Variants in ENPP1 observed in about 807,000 individuals in gnomAD.
ENPP1 encodes the protein ectonucleotide pyrophosphatase/phosphodiesterase family member 1.
Under a neutral mutation model 122.8 loss-of-function variants are expected in ENPP1, and 73 were observed. That is an observed-to-expected ratio of 0.59 (90% confidence interval 0.49 to 0.72). The LOEUF is 0.72. Ranked by LOEUF, ENPP1 falls within the 30% of genes least tolerant of loss-of-function variation. The pLI, the probability that ENPP1 is intolerant of heterozygous loss-of-function variation, is 0.00. For missense variants in ENPP1, 978 were observed against 1,128.1 expected (o/e 0.87, Z 1.91); for synonymous variants, 367 against 391.6 (o/e 0.94, Z 0.74).
At chr6:131,820,159 G>A (rs1029838169) in intron 1 of ENPP1, 1 of 303,826 alleles carries the variant, frequency 3.3e-6, no homozygotes, top group African/African-American at 2.2e-5. Flanking sequence ...TAGAATTTTG[G>A]TGTGGTTTTA....
intron 1 of ENPP1, among the ~76,000 whole-genome samples, chr6:131,840,884 A>C (rs370186989): frequency 6.6e-6 from 1 of 152,150 alleles, no homozygotes; most frequent in Non-Finnish European, 1.5e-5. Flanking sequence ...GCAGGTGTCA[A>C]TTTCTTTAGT....
intron 3 of ENPP1, 57 bp downstream of exon 3, chr6:131,850,163 A>C: frequency 8.4e-7 from 1 of 1,195,362 alleles, no homozygotes; most frequent in Non-Finnish European, 1.3e-6. Flanking sequence ...GATCAAGGAA[A>C]GTTCTGTGTC....
At chr6:131,847,543 T>C (rs886475863) in intron 1 of ENPP1, among the ~76,000 whole-genome samples, 1 of 151,990 alleles carries the variant, frequency 6.6e-6, no homozygotes, top group Non-Finnish European at 1.5e-5. Flanking sequence ...AATAAAAGGA[T>C]TTTAAAACTA....
At chr6:131,830,178 A>T (rs1290447260) in intron 1 of ENPP1, among the ~76,000 whole-genome samples, 2 of 152,150 alleles carry the variant, frequency 1.3e-5, no homozygotes, top group Non-Finnish European at 2.9e-5. Flanking sequence ...ATTGGGTGTG[A>T]TGCTCTTTGG....
At chr6:131,882,527 T>G (rs1252471598) in intron 21 of ENPP1, 53 bp downstream of exon 21, 2 of 1,384,240 alleles carry the variant, frequency 1.4e-6, no homozygotes, top group Non-Finnish European at 2.0e-6. Flanking sequence ...TTTTCTTTCT[T>G]GTTTATAAAT....
At chr6:131,869,619 AGG>A (rs1251518584) in intron 13 of ENPP1, 130 bp downstream of exon 13, 2 of 814,694 alleles carry the variant, frequency 2.5e-6, no homozygotes, top group East Asian at 5.3e-5. Context: ...ACCTGAGGTC[AGG>A]AGTTCGAGAC....
chr6:131,831,142 A>AAG (rs1562513494), intron 1 of ENPP1, among the ~76,000 whole-genome samples: 19 of 150,114 alleles, frequency 1.3e-4, no homozygotes, highest in Non-Finnish European at 1.9e-4. Context: ...AAAAAAGAAA[A>AAG]GAAAATAGAT....
At position 131,884,919 on chromosome 6, in the gene ENPP1, A is replaced by G. The variant is rs748893008; in HGVS notation, c.2312-12A>G. On this transcript the variant is annotated splice_polypyrimidine_tract_variant and intron_variant, in intron 22 of 24. Coordinates refer to ENST00000647893, the MANE Select transcript of ENPP1 (RefSeq NM_006208.3). Reference sequence around the variant, plus strand: ...TTCTTTTGAAACTACACTGGCTTCTATCTTGTTTCAGTTATATGGCGCTAC... The same window carrying G: ...TTCTTTTGAAACTACACTGGCTTCTGTCTTGTTTCAGTTATATGGCGCTAC... 35 of 1,613,900 alleles carry G rather than the reference A, an allele frequency of 2.2e-5. No individual in the cohort carries two copies. The highest frequency in any genetic ancestry group is 2.9e-5 in the Non-Finnish European group (34 of 1,179,876).
intron 5 of ENPP1, among the ~76,000 whole-genome samples, chr6:131,852,480 G>A (rs533351372): frequency 2.9e-4 from 44 of 152,232 alleles, no homozygotes; most frequent in African/African-American, 9.6e-4. Flanking sequence ...ATGCTCCAGT[G>A]AGCATTTCCT....
rs1410595076 is a variant in ENPP1 at position 131,864,879 on chromosome 6, A to T, written c.1105A>T (p.Thr369Ser). 1 of 1,600,342 alleles carries T rather than the reference A, an allele frequency of 6.2e-7. No individual in the cohort carries two copies. Among genetic ancestry groups the T allele is most frequent in the Non-Finnish European group, 8.6e-7 (1 of 1,167,824 alleles). The change falls in exon 11 of 25, where the codon ACT becomes TCT. Residue 369 changes from threonine to serine, a missense_variant. Physicochemically the swap from Thr to Ser is moderately conservative, Grantham distance 58. Coordinates refer to ENST00000647893, the MANE Select transcript of ENPP1 (RefSeq NM_006208.3). ...TGTTTGATTTAGACCACACTTTTAC[A>T]CTCTGTATTTAGAAGAACCAGATTC... Reference protein sequence around the residue: ...LPKDERPHFYTLYLEEPDSSG... With the variant: ...LPKDERPHFYSLYLEEPDSSG...
At position 131,824,108 on chromosome 6, in the gene ENPP1, T is replaced by A. The variant is rs186955616; in HGVS notation, c.240+15833T>A. 4.6e-5 allele frequency among the ~76,000 whole-genome samples: 7 copies of A among 151,990 alleles called. No individual in the cohort carries two copies. In the East Asian group the frequency reaches 1.4e-3, roughly 29 times the overall value. ...AAGGGAAAGTTTACTTACTGTCTGT[T>A]TTTTAGGTTTTATCTGAAGGGACCA... On this transcript the variant is annotated intron_variant, in intron 1 of 24. Transcript: ENST00000647893.
intron 20 of ENPP1, among the ~76,000 whole-genome samples, chr6:131,881,243 ATATATT>A (rs1418728739): frequency 6.6e-6 from 1 of 152,190 alleles, no homozygotes; most frequent in African/African-American, 2.4e-5. Context: ...TAATACACAC[ATATATT>A]TATATAAAAT....
rs1781980876 is a variant in ENPP1, at chr6:131,858,759, A to G, written c.795+12A>G. The G allele has an allele frequency of 1.9e-6, 3 of 1,569,852 alleles. No individual in the cohort carries two copies. The highest frequency in any genetic ancestry group is 3.3e-5 in the Admixed American group (2 of 59,956). On this transcript the variant is annotated intron_variant, in intron 7 of 24. Coordinates refer to ENST00000647893, the MANE Select transcript of ENPP1 (RefSeq NM_006208.3). ...ACAGCATTGTCACCGTAAGCTCTGC[A>G]TTTCAACTTCTATCTGTTTGAAGAA... is the stretch of plus-strand genomic sequence containing the variant.
intron 1 of ENPP1, among the ~76,000 whole-genome samples, chr6:131,833,305 T>A (rs560059777): frequency 6.6e-6 from 1 of 152,354 alleles, no homozygotes; most frequent in East Asian, 1.9e-4. Context: ...TTTTTTTTAA[T>A]GAAAATGAAT....
chr6:131,823,712 A>G (rs1362340042), intron 1 of ENPP1, among the ~76,000 whole-genome samples: 1 of 151,320 alleles, frequency 6.6e-6, no homozygotes, highest in Non-Finnish European at 1.5e-5. Context: ...TCCCAGAACC[A>G]CTCAATTGCT....
intron 1 of ENPP1, chr6:131,827,107 C>CA (rs1426650945): frequency 7.2e-6 from 5 of 690,388 alleles, no homozygotes; most frequent in Middle Eastern, 5.1e-4. Context: ...TCGGTGAACT[C>CA]AAAGACATTT....
chr6:131,875,796 A>T lies in ENPP1; in HGVS notation c.1656A>T (p.Gly552=). Residue 552 remains glycine (G), a synonymous_variant, in exon 17 of 25, where the codon GGA becomes GGT. Coordinates refer to ENST00000647893, the MANE Select transcript of ENPP1 (RefSeq NM_006208.3). ...TCTAGGCCCTCTTTGTTGGCTATGG[A>T]CCTGGATTCAAGCATGGCATTGAGG... ...SNMQALFVGY[G]PGFKHGIEAD... 1 of 1,614,004 alleles carries T rather than the reference A, an allele frequency of 6.2e-7. No homozygotes were observed. Among genetic ancestry groups the T allele is most frequent in the East Asian group, 2.2e-5 (1 of 44,882 alleles).
chr6:131,868,154 T>G, intron 12 of ENPP1, 28 bp downstream of exon 12: 1 of 1,512,914 alleles, frequency 6.6e-7, no homozygotes, highest in African/African-American at 1.4e-5. Flanking sequence ...TATTTACTCT[T>G]CAGGATAAAG....
chr6:131,814,639 A>C (rs974519907), intron 1 of ENPP1, among the ~76,000 whole-genome samples: 3 of 152,206 alleles, frequency 2.0e-5, no homozygotes, highest in African/African-American at 7.2e-5. Flanking sequence ...TATGGAAGGA[A>C]GAATGTTCAA....
Sources: gnomAD v4.1 joint callset for allele counts (sites outside exome capture counted in the v4.1 genomes callset) on GRCh38, gnomAD v4.1.1 for gene constraint, MANE v1.5 for transcripts, NCBI Gene and HGNC (gene_info 2026-07-23, HGNC 2026-07-21) for gene names.